The following ABCG1 variants were observed in gnomAD, a reference collection of about 807,000 sequenced individuals.
ABCG1 encodes ATP-binding cassette sub-family G member 1.
In ABCG1, 29 loss-of-function variants were observed where a neutral mutation model predicts 69.2. The observed-to-expected ratio is 0.42, with a 90% CI of 0.31 to 0.57. The LOEUF is 0.57. Ranked by LOEUF, ABCG1 falls within the 20% of genes least tolerant of loss-of-function variation. ABCG1 has a pLI of 0.15. For missense variants in ABCG1, 718 were observed against 898.1 expected (o/e 0.80, Z 2.56); for synonymous variants, 370 against 374.8 (o/e 0.99, Z 0.15).
intron 2 of ABCG1, among the ~76,000 whole-genome samples, chr21:42,240,942 C>T (rs1205116232): frequency 4.6e-5 from 7 of 152,272 alleles, no homozygotes; most frequent in East Asian, 1.9e-4. Flanking sequence ...TGTGCGTTCC[C>T]GCACCACCCA....
intron 2 of ABCG1, among the ~76,000 whole-genome samples, chr21:42,243,449 T>TGC (rs1555952154): frequency 1.6e-4 from 9 of 56,054 alleles, no homozygotes; most frequent in African/African-American, 4.2e-4. Context: ...TGTGTGCGCG[T>TGC]GTGTGTGTGT....
At chr21:42,267,999 G>A (rs2068545332) in intron 2 of ABCG1, among the ~76,000 whole-genome samples, 1 of 152,080 alleles carries the variant, frequency 6.6e-6, no homozygotes, top group Non-Finnish European at 1.5e-5. Context: ...GGCCTGGGTT[G>A]TGTCTAAGCT....
intron 2 of ABCG1, chr21:42,259,862 A>G (rs763031363): frequency 1.3e-4 from 191 of 1,422,164 alleles, no homozygotes; most frequent in Non-Finnish European, 1.7e-4. Flanking sequence ...GGGGAGAGAG[A>G]GGCCAATGGC....
chr21:42,243,657 G>C (rs991857294), intron 2 of ABCG1, among the ~76,000 whole-genome samples: 5 of 151,970 alleles, frequency 3.3e-5, no homozygotes, highest in Non-Finnish European at 5.9e-5. Context: ...AGTTGCTGAG[G>C]GGCTGCAACA....
upstream of ABCG1, chr21:42,216,016 T>C (rs1199435901): frequency 1.7e-5 from 5 of 299,790 alleles, no homozygotes; most frequent in African/African-American, 6.7e-5. Context: ...CACTGAATCA[T>C]AGGGGCAGGT....
At chr21:42,239,752 T>C (rs1047437764) in intron 2 of ABCG1, among the ~76,000 whole-genome samples, 2 of 152,226 alleles carry the variant, frequency 1.3e-5, no homozygotes, top group African/African-American at 4.8e-5. Flanking sequence ...TAGAGCCAGC[T>C]TCCGGTTGGG....
At chr21:42,243,447 CGTGTGTGTGT>C (rs869095111) in intron 2 of ABCG1, among the ~76,000 whole-genome samples, 45 of 81,550 alleles carry the variant, frequency 5.5e-4, no homozygotes, top group Non-Finnish European at 8.3e-4. Flanking sequence ...TGTGTGTGCG[CGTGTGTGTGT>C]GTGTGTGTGT....
chr21:42,232,050 A>G (rs2067908935), intron 2 of ABCG1, among the ~76,000 whole-genome samples: 1 of 152,148 alleles, frequency 6.6e-6, no homozygotes, highest in African/African-American at 2.4e-5. Flanking sequence ...AGTGGCCCCC[A>G]GGTGGGTGGG....
At chr21:42,264,998 T>C (rs578067868) in intron 2 of ABCG1, among the ~76,000 whole-genome samples, 1 of 152,314 alleles carries the variant, frequency 6.6e-6, no homozygotes, top group East Asian at 1.9e-4. Flanking sequence ...TTGGGCCCTT[T>C]GGCTGAGCTC....
intron 2 of ABCG1, among the ~76,000 whole-genome samples, chr21:42,266,882 T>C (rs225395): frequency 0.69 from 104,726 of 151,958 alleles, 36,951 homozygotes; most frequent in African/African-American, 0.85. Flanking sequence ...AGGTGTCTGG[T>C]GCCTGGGGCC....
chr21:42,295,534 C>T (rs896639253), intron 14 of ABCG1, among the ~76,000 whole-genome samples: 3 of 152,294 alleles, frequency 2.0e-5, no homozygotes, highest in South Asian at 2.1e-4. Context: ...CCAGGGGCAG[C>T]GCCCATCTTC....
chr21:42,273,452 C>CCCGCCCCACT lies in ABCG1; in HGVS notation c.537+25_537+34dup, dbSNP rs774647849. 16 of 1,610,570 alleles carry CCCGCCCCACT rather than the reference C, an allele frequency of 9.9e-6. No individual in the cohort carries two copies. The highest frequency in any genetic ancestry group is 1.4e-5 in the Non-Finnish European group (16 of 1,178,088). On this transcript the variant is annotated intron_variant, in intron 4 of 14. Transcript: ENST00000398449. This position sits in a 1 kb window ranked among gnomAD's most constrained non-coding sequence, Gnocchi z 5.3. ...GCCATGATGGTGAGCTCCGCCCTGC[C>CCCGCCCCACT]CCGCCCCACTCCGCCCCTGCCGCCT...
intron 2 of ABCG1, among the ~76,000 whole-genome samples, chr21:42,266,965 G>A (rs1048359562): frequency 3.3e-5 from 5 of 152,298 alleles, no homozygotes; most frequent in African/African-American, 9.6e-5. Context: ...TCCCAGAGGA[G>A]TCTGGTTGAA....
chr21:42,292,743 CCACACTA>C (rs958201600), intron 13 of ABCG1, among the ~76,000 whole-genome samples: 6 of 143,014 alleles, frequency 4.2e-5, no homozygotes, highest in Non-Finnish European at 6.1e-5. Flanking sequence ...TGCATACACA[CCACACTA>C]CACACTACAC....
In ABCG1 at chr21:42,219,873, CG is replaced by C. The variant is rs1375118600; in HGVS notation, c.42+571del. ...CCTCTCCCGGACCCACTCGGGGAGG[CG>C]GCGGCGAAGGCCCGGGGAGACCCGC... On this transcript the variant is annotated intron_variant, in intron 1 of 14. Transcript: ENST00000398449. This position sits in a 1 kb window ranked among gnomAD's most constrained non-coding sequence, Gnocchi z 5.3. 9 of 1,536,050 alleles carry C rather than the reference CG, an allele frequency of 5.9e-6. No homozygotes were observed. Among genetic ancestry groups the C allele is most frequent in the Non-Finnish European group, 6.1e-6 (7 of 1,142,064 alleles).
intron 1 of ABCG1, among the ~76,000 whole-genome samples, chr21:42,224,800 A>G (rs1306648976): frequency 6.6e-6 from 1 of 152,188 alleles, no homozygotes; most frequent in Non-Finnish European, 1.5e-5. Context: ...GGCCATTGAA[A>G]AAGGGTATTT....
intron 2 of ABCG1, among the ~76,000 whole-genome samples, chr21:42,242,756 C>A (rs1418930929): frequency 6.6e-6 from 1 of 152,140 alleles, no homozygotes; most frequent in African/African-American, 2.4e-5. Flanking sequence ...GGGCAGTGAA[C>A]CATATCGTTG....
chr21:42,254,600 T>C (rs376754594), intron 2 of ABCG1, among the ~76,000 whole-genome samples: 99 of 152,334 alleles, frequency 6.5e-4, no homozygotes, highest in African/African-American at 2.1e-3. Flanking sequence ...AGCAAGAGGA[T>C]TGATCAGCGC....
intron 5 of ABCG1, 71 bp downstream of exon 5, chr21:42,277,016 C>A: frequency 6.5e-7 from 1 of 1,544,074 alleles, no homozygotes; most frequent in Non-Finnish European, 8.9e-7. Context: ...GTGTGCCTGC[C>A]GGGGCATTTT....
Sources: allele counts gnomAD v4.1 joint callset (sites outside exome capture counted in the v4.1 genomes callset), GRCh38; gene constraint gnomAD v4.1.1; non-coding constraint Gnocchi (gnomAD v3.1); transcripts MANE v1.5; gene names NCBI Gene and HGNC (gene_info 2026-07-23, HGNC 2026-07-21).